Variants in GRIN2A observed in about 807,000 individuals in gnomAD.
The protein encoded by GRIN2A is glutamate receptor ionotropic, NMDA 2A.
In GRIN2A, 22 loss-of-function variants were observed where a neutral mutation model predicts 113.4. The ratio of observed to expected loss-of-function variants is 0.19; its 90% CI spans 0.14 to 0.28. GRIN2A has a LOEUF of 0.28. Among genes scored for constraint, GRIN2A ranks in the 10% least tolerant of loss-of-function variants. GRIN2A has a pLI of 1.00. For missense variants in GRIN2A, 1,502 were observed against 1,887.0 expected, an observed-to-expected ratio of 0.80 and a Z score of 3.78; for synonymous variants, 827 against 738.4, an observed-to-expected ratio of 1.12 and a Z score of -1.94.
At chr16:9,984,423 C>G (rs1198040444) in intron 2 of GRIN2A, among the ~76,000 whole-genome samples, 1 of 152,142 alleles carries the variant, frequency 6.6e-6, no homozygotes, top group Non-Finnish European at 1.5e-5. Context: ...CTATAAAAAT[C>G]TTTTTGCAGA....
intron 8 of GRIN2A, among the ~76,000 whole-genome samples, chr16:9,833,261 C>T (rs2042528420): frequency 6.6e-6 from 1 of 152,218 alleles, no homozygotes; most frequent in African/African-American, 2.4e-5. Flanking sequence ...TTATCAACTA[C>T]AATGCACTAA....
chr16:10,096,478 A>T (rs1312100070), intron 2 of GRIN2A, among the ~76,000 whole-genome samples: 1 of 151,916 alleles, frequency 6.6e-6, no homozygotes, highest in African/African-American at 2.4e-5. Flanking sequence ...ACCATGGTCT[A>T]TATTGATTCT....
chr16:9,786,830 C>G (rs913104536), intron 11 of GRIN2A, among the ~76,000 whole-genome samples: 1 of 152,168 alleles, frequency 6.6e-6, no homozygotes, highest in Admixed American at 6.5e-5. Flanking sequence ...AATTATAACT[C>G]CATGCCATTT....
chr16:9,935,867 A>T (rs79742345), intron 3 of GRIN2A, among the ~76,000 whole-genome samples: 12,507 of 151,922 alleles, frequency 0.082, 868 homozygotes, highest in East Asian at 0.35. Flanking sequence ...ACACCTGGCT[A>T]ACATTTGTAT....
At chr16:9,933,488 T>C (rs1209157874) in intron 3 of GRIN2A, among the ~76,000 whole-genome samples, 1 of 152,224 alleles carries the variant, frequency 6.6e-6, no homozygotes, top group African/African-American at 2.4e-5. Flanking sequence ...TATGACCTCA[T>C]CTGAACTTCT....
chr16:10,039,021 C>T (rs533552730), intron 2 of GRIN2A, among the ~76,000 whole-genome samples: 9 of 152,024 alleles, frequency 5.9e-5, no homozygotes, highest in Non-Finnish European at 1.3e-4. Context: ...AAATTCACTG[C>T]GTGTTTACTT....
intron 4 of GRIN2A, among the ~76,000 whole-genome samples, chr16:9,853,942 T>C (rs534616883): frequency 6.6e-6 from 1 of 152,310 alleles, no homozygotes; most frequent in Admixed American, 6.5e-5. Flanking sequence ...CATCATTTGC[T>C]TCACAATATT....
chr16:9,822,474 G>T, intron 9 of GRIN2A, 50 bp from the exon 10 acceptor site: 2 of 1,155,960 alleles, frequency 1.7e-6, no homozygotes, highest in Non-Finnish European at 2.6e-6. Flanking sequence ...AGAAAGAGAA[G>T]GGAGGAGGGG....
intron 2 of GRIN2A, among the ~76,000 whole-genome samples, chr16:10,079,238 G>A (rs1463709046): frequency 2.0e-5 from 3 of 152,162 alleles, no homozygotes; most frequent in Non-Finnish European, 2.9e-5. Flanking sequence ...CAAAAAAAAT[G>A]GTAATGTCAC....
chr16:10,010,024 A>C lies in GRIN2A; in HGVS notation c.415-71473T>G, dbSNP rs139927175. Among the ~76,000 whole-genome samples the C allele has an allele frequency of 1.6e-3, 240 of 152,252 alleles. 3 individuals are homozygous for C. The highest frequency in any genetic ancestry group is 5.7e-3 in the African/African-American group (235 of 41,554). On this transcript the variant is annotated intron_variant, in intron 2 of 12. Coordinates refer to ENST00000330684, the MANE Select transcript of GRIN2A (RefSeq NM_001134407.3). ...GCCAGACCAAAGCACAGTCCCCTCT[A>C]CTCTACGAGTGAGGAGCAAGGCCCA...
chr16:10,007,701 G>A (rs905578751), intron 2 of GRIN2A, among the ~76,000 whole-genome samples: 3 of 151,966 alleles, frequency 2.0e-5, no homozygotes, highest in Non-Finnish European at 4.4e-5. Context: ...TAATTTAGGG[G>A]GCTAAAAGTT....
chr16:9,932,535 C>A (rs2044618943), intron 3 of GRIN2A, among the ~76,000 whole-genome samples: 2 of 151,952 alleles, frequency 1.3e-5, no homozygotes, highest in Admixed American at 6.5e-5. Context: ...ACCACCACAC[C>A]CAGCTAAAGT....
At chr16:9,816,330 T>TAAC (rs1286298596) in intron 10 of GRIN2A, among the ~76,000 whole-genome samples, 3 of 152,362 alleles carry the variant, frequency 2.0e-5, no homozygotes, top group Non-Finnish European at 4.4e-5. Context: ...CCAATTCTTC[T>TAAC]AACTACTGCA....
At chr16:9,819,403 C>T (rs1334902364) in intron 10 of GRIN2A, among the ~76,000 whole-genome samples, 2 of 151,720 alleles carry the variant, frequency 1.3e-5, no homozygotes, top group East Asian at 3.9e-4. Flanking sequence ...TGCCTGTAGT[C>T]CCAGCTACTC....
At chr16:9,962,309 A>T (rs1024452695) in intron 2 of GRIN2A, among the ~76,000 whole-genome samples, 29 of 152,172 alleles carry the variant, frequency 1.9e-4, no homozygotes, top group African/African-American at 6.8e-4. Context: ...AGAAACCACC[A>T]TCAGAGTGAA....
In GRIN2A at chr16:9,764,212, C is replaced by G. The variant is rs796052555; in HGVS notation, c.3332G>C (p.Ser1111Thr). 7.3e-7 allele frequency: 1 copy of G among 1,366,124 alleles called. No homozygotes were observed. Among genetic ancestry groups the G allele is most frequent in the Non-Finnish European group, 9.5e-7 (1 of 1,049,650 alleles). The allele number at this position is 1,366,124 out of a possible 1,614,324, so 84.6% of individuals were successfully genotyped here. ...AGTGTAGATCTTGTCTCTAGGGGAGCTTGATTTGGTTTTCAGGTAGGTGCG... is the reference window on the plus strand; with the variant it reads ...AGTGTAGATCTTGTCTCTAGGGGAGGTTGATTTGGTTTTCAGGTAGGTGCG... ...VERTYLKTKSSSPRDKIYTID... is the reference protein window; with the variant it reads ...VERTYLKTKSTSPRDKIYTID... The change falls in exon 13 of 13, where the codon AGC becomes ACC. Residue 1111 changes from serine to threonine, a missense_variant. This residue lies in a region of GRIN2A where 832 missense variants were observed against 789.7 expected (regional missense o/e 1.05). Transcript: ENST00000330684.
At chr16:9,887,967 G>A (rs913030290) in intron 4 of GRIN2A, among the ~76,000 whole-genome samples, 7 of 152,184 alleles carry the variant, frequency 4.6e-5, no homozygotes, top group Admixed American at 4.6e-4. Context: ...CTGAGGTGGA[G>A]TCTCGTTCTC....
intron 2 of GRIN2A, among the ~76,000 whole-genome samples, chr16:10,006,342 G>A (rs1281220651): frequency 1.3e-5 from 2 of 152,210 alleles, no homozygotes; most frequent in African/African-American, 4.8e-5. Context: ...TTTTTAGACA[G>A]TGAGAAGAGC....
chr16:10,115,469 G>T (rs1366656327), intron 2 of GRIN2A, among the ~76,000 whole-genome samples: 1 of 152,178 alleles, frequency 6.6e-6, no homozygotes, highest in Non-Finnish European at 1.5e-5. Flanking sequence ...CTATCTGGAG[G>T]AGGATAAGCA....
Sources: allele counts gnomAD v4.1 joint callset (sites outside exome capture counted in the v4.1 genomes callset), GRCh38; gene constraint gnomAD v4.1.1; regional missense constraint gnomAD v4.1.1; transcripts MANE v1.5; gene names NCBI Gene and HGNC (gene_info 2026-07-23, HGNC 2026-07-21).